Variants in SLC9A1 observed in about 807,000 individuals in gnomAD.
SLC9A1 encodes the protein solute carrier family 9 member A1, also known as sodium/hydrogen exchanger 1.
In SLC9A1, 22 loss-of-function variants were observed where a neutral mutation model predicts 67.9. The observed-to-expected ratio is 0.32, with a 90% CI of 0.23 to 0.46. SLC9A1 has a LOEUF of 0.46. Ranked by LOEUF, SLC9A1 falls within the 20% of genes least tolerant of loss-of-function variation. The pLI, the probability that SLC9A1 is intolerant of heterozygous loss-of-function variation, is 1.00. For synonymous variants in SLC9A1, 421 were observed against 471.8 expected, an observed-to-expected ratio of 0.89 and a Z score of 1.40; for missense variants, 686 against 1,094.8, an observed-to-expected ratio of 0.63 and a Z score of 5.27.
chr1:27,109,893 C>G lies in SLC9A1; in HGVS notation c.814-116G>C, dbSNP rs2083216420. 1 of 1,203,000 alleles carries G rather than the reference C, an allele frequency of 8.3e-7. No individual in the cohort carries two copies. Among genetic ancestry groups the G allele is most frequent in the Non-Finnish European group, 1.2e-6 (1 of 846,858 alleles). The allele number at this position is 1,203,000 out of a possible 1,614,324, so 74.5% of individuals were successfully genotyped here. A position where few individuals can be genotyped will look rare whatever the true frequency, so the allele number is the denominator to read the frequency against. On this transcript the variant is annotated intron_variant, in intron 2 of 11. Transcript: ENST00000263980. This position sits in a 1 kb window ranked among gnomAD's most constrained non-coding sequence, Gnocchi z 5.5. ...GTTAACCATGGCCACAAGAAGAGGCCACACGGTAGCAGAGAAACCCTAGTG... is the reference window on the plus strand; with the variant it reads ...GTTAACCATGGCCACAAGAAGAGGCGACACGGTAGCAGAGAAACCCTAGTG...
rs879660477 is a variant in SLC9A1 at position 27,125,230 on chromosome 1, T to TCC, written c.353-10945_353-10944insGG. 1.2e-3 allele frequency among the ~76,000 whole-genome samples: 134 copies of TCC among 111,668 alleles called. 1 individual carries two copies. The highest frequency in any genetic ancestry group is 4.3e-3 in the African/African-American group (127 of 29,376). 73.3% of individuals were successfully genotyped at this position (111,668 alleles called of 152,430 possible). ...CTCTCTTCTCTTTTCCTTCCTTCCT[T>TCC]TTCTTTCTTTTTTTTTTTTTTTTTT... On this transcript the variant is annotated intron_variant, in intron 1 of 11. Coordinates refer to ENST00000263980, the MANE Select transcript of SLC9A1 (RefSeq NM_003047.5).
chr1:27,106,114 G>C lies in SLC9A1; in HGVS notation c.1283-27C>G, dbSNP rs199785625. 7.3e-6 allele frequency: 11 copies of C among 1,500,964 alleles called. No individual in the cohort carries two copies. The South Asian group carries it at 9.1e-5, about 12-fold the overall frequency. The allele number at this position is 1,500,964 out of a possible 1,614,324, so 93.0% of individuals were successfully genotyped here. A position where few individuals can be genotyped will look rare whatever the true frequency, so the allele number is the denominator to read the frequency against. ...TGCAGGGGAAGGCAGGGGGTGATGA[G>C]GGTCAGGTCGGGCTGTCCCCAGTCC... On this transcript the variant is annotated intron_variant, in intron 4 of 11. Transcript: ENST00000263980. This position sits in a 1 kb window ranked among gnomAD's most constrained non-coding sequence, Gnocchi z 4.3.
chr1:27,105,711 G>C (rs773428438), intron 5 of SLC9A1, 174 bp downstream of exon 5: 4 of 720,450 alleles, frequency 5.6e-6, no homozygotes, highest in Non-Finnish European at 1.0e-5. Context: ...CTCACTTTAC[G>C]ATTGAAGAAA....
intron 1 of SLC9A1, among the ~76,000 whole-genome samples, chr1:27,131,947 A>AAAAAAAAAATATATATATATATAT: frequency 1.9e-5 from 1 of 52,124 alleles, no homozygotes; most frequent in African/African-American, 6.4e-5. Context: ...AGAAAAAAAA[A>AAAAAAAAAATATATATATATATAT]ATATATATAT....
rs1255743205 is a variant in SLC9A1, at chr1:27,154,587, A to G, written c.-253T>C. The stretch of plus-strand genomic sequence containing the variant: ...ACGAAAGGAGACCAAAAGGTCTGGA[A>G]CTCCGGGCCTGGGAAGGGGGAGGAC... On this transcript the variant is annotated 5_prime_UTR_variant, in exon 1 of 12. Transcript: ENST00000263980. The G allele has an allele frequency of 2.3e-6, 1 of 426,524 alleles. No individual in the cohort carries two copies. Among genetic ancestry groups the G allele is most frequent in the East Asian group, 4.0e-5 (1 of 25,050 alleles). The allele number at this position is 426,524 out of a possible 1,614,324, so 26.4% of individuals were successfully genotyped here.
chr1:27,135,764 C>T (rs930704829), intron 1 of SLC9A1, among the ~76,000 whole-genome samples: 6 of 152,290 alleles, frequency 3.9e-5, no homozygotes, highest in Admixed American at 1.3e-4. Flanking sequence ...CGAGGCAACA[C>T]CGAACAGCAA....
At chr1:27,122,783 T>C (rs2083312883) in intron 1 of SLC9A1, among the ~76,000 whole-genome samples, 1 of 152,052 alleles carries the variant, frequency 6.6e-6, no homozygotes, top group Admixed American at 6.6e-5. Context: ...CTCCAGCAGA[T>C]TGCCCCTCCC....
In SLC9A1 at chr1:27,114,352, G is replaced by T; in HGVS notation, c.353-66C>A. The stretch of plus-strand genomic sequence containing the variant: ...GGAGCCAGGAGAATAGAAGGTTGGG[G>T]ATGGGCCGGGGATGAGGAGCGCAGT... On this transcript the variant is annotated intron_variant, in intron 1 of 11. Coordinates refer to ENST00000263980, the MANE Select transcript of SLC9A1 (RefSeq NM_003047.5). The surrounding 1 kb of genome is among the most constrained non-coding windows in gnomAD (Gnocchi z 5.4). The T allele has an allele frequency of 7.3e-7, 1 of 1,365,652 alleles. No individual in the cohort carries two copies. Among genetic ancestry groups the T allele is most frequent in the Non-Finnish European group, 1.0e-6 (1 of 982,834 alleles). 84.6% of individuals were successfully genotyped at this position (1,365,652 alleles called of 1,614,324 possible).
intron 1 of SLC9A1, among the ~76,000 whole-genome samples, chr1:27,143,521 C>CTCAATGACAGTGCTCAATGTCAATGA (rs1184521660): frequency 6.6e-6 from 1 of 152,174 alleles, no homozygotes; most frequent in African/African-American, 2.4e-5. Flanking sequence ...TGCTTTGAAG[C>CTCAATGACAGTGCTCAATGTCAATGA]CAGGGCTCAA....
chr1:27,105,219 A>C (rs1026638256), intron 5 of SLC9A1, among the ~76,000 whole-genome samples: 2 of 152,204 alleles, frequency 1.3e-5, no homozygotes, highest in Non-Finnish European at 2.9e-5. Context: ...ACCCTAAGAT[A>C]TGAAATCTCT....
chr1:27,125,268 AAC>A (rs1475404512), intron 1 of SLC9A1, among the ~76,000 whole-genome samples: 1 of 109,416 alleles, frequency 9.1e-6, no homozygotes, highest in African/African-American at 3.6e-5. Flanking sequence ...TTTTTTGAGA[AAC>A]AGTCTTGCTC....
intron 1 of SLC9A1, among the ~76,000 whole-genome samples, chr1:27,119,907 C>T (rs975198144): frequency 2.0e-5 from 3 of 152,168 alleles, no homozygotes; most frequent in East Asian, 3.9e-4. Context: ...CCCACTGCTT[C>T]TACTCTAGTG....
chr1:27,118,097 C>T lies in SLC9A1; in HGVS notation c.353-3811G>A, dbSNP rs766497927. On this transcript the variant is annotated intron_variant, in intron 1 of 11. Transcript: ENST00000263980. This position sits in a 1 kb window ranked among gnomAD's most constrained non-coding sequence, Gnocchi z 4.3. The stretch of plus-strand genomic sequence containing the variant: ...CCCGGGCCTCCTGACTACAGCACAG[C>T]GACCTCCTTCTCCTTCAGCCAGCTC... Among the ~76,000 whole-genome samples, 3 of 152,178 alleles carry T rather than the reference C, an allele frequency of 2.0e-5. No individual in the cohort carries two copies. Among genetic ancestry groups the T allele is most frequent in the Non-Finnish European group, 4.4e-5 (3 of 68,042 alleles).
At chr1:27,132,148 T>G (rs1385002080) in intron 1 of SLC9A1, among the ~76,000 whole-genome samples, 2 of 151,780 alleles carry the variant, frequency 1.3e-5, no homozygotes, top group East Asian at 3.9e-4. Context: ...CAGGTACTCA[T>G]GCTCAACTAC....
At chr1:27,148,523 G>A (rs2083504396) in intron 1 of SLC9A1, among the ~76,000 whole-genome samples, 1 of 152,110 alleles carries the variant, frequency 6.6e-6, no homozygotes, top group South Asian at 2.1e-4. Context: ...CCTGGCAGGA[G>A]AGAGTTTGGC....
At chr1:27,129,448 C>T (rs553992099) in intron 1 of SLC9A1, among the ~76,000 whole-genome samples, 1 of 152,278 alleles carries the variant, frequency 6.6e-6, no homozygotes, top group African/African-American at 2.4e-5. Flanking sequence ...GAGGACACTG[C>T]AGAGAAAAGA....
chr1:27,121,821 C>T (rs765747370), intron 1 of SLC9A1, among the ~76,000 whole-genome samples: 25 of 152,134 alleles, frequency 1.6e-4, no homozygotes, highest in Non-Finnish European at 2.5e-4. Flanking sequence ...CTTCTACCCA[C>T]CTTTCAAAAC....
chr1:27,102,184 TC>T (rs2083151111), intron 8 of SLC9A1, 54 bp from the exon 9 acceptor site: 2 of 1,505,760 alleles, frequency 1.3e-6, no homozygotes, highest in Non-Finnish European at 1.8e-6. Flanking sequence ...TCCTGGTGCC[TC>T]CCAGGTTTGG....
chr1:27,111,799 G>C (rs138637511), intron 2 of SLC9A1, among the ~76,000 whole-genome samples: 41 of 152,228 alleles, frequency 2.7e-4, no homozygotes, highest in African/African-American at 9.6e-4. Flanking sequence ...TGTGTGACAG[G>C]AGACTCTGTC....
Sources: gnomAD v4.1 joint callset for allele counts (sites outside exome capture counted in the v4.1 genomes callset) on GRCh38, gnomAD v4.1.1 for gene constraint, Gnocchi (gnomAD v3.1) non-coding constraint, MANE v1.5 for transcripts, NCBI Gene and HGNC (gene_info 2026-07-23, HGNC 2026-07-21) for gene names.